GALNT18: variants seen among roughly 807,000 people sequenced by gnomAD.
GALNT18 encodes polypeptide N-acetylgalactosaminyltransferase 18.
GALNT18 carries 44 observed loss-of-function variants against 69.5 expected under a neutral mutation model. That is an observed-to-expected ratio of 0.63 (90% confidence interval 0.50 to 0.81). The LOEUF is 0.81. GALNT18 is among the 40% of genes least tolerant of loss of function. The probability of loss-of-function intolerance (pLI) is 0.00; values close to 1 mark genes in which losing one functional copy is unlikely to be tolerated. For missense variants in GALNT18, 715 were observed against 810.0 expected, an observed-to-expected ratio of 0.88 and a Z score of 1.42; for synonymous variants, 364 against 318.2, an observed-to-expected ratio of 1.14 and a Z score of -1.53.
chr11:11,304,706 G>A (rs1049780341), intron 9 of GALNT18, among the ~76,000 whole-genome samples: 3 of 152,146 alleles, frequency 2.0e-5, no homozygotes, highest in Middle Eastern at 3.2e-3. Flanking sequence ...CTGAGCTATC[G>A]TACATCACCA....
At chr11:11,514,395 C>T (rs936147021) in intron 1 of GALNT18, among the ~76,000 whole-genome samples, 2 of 152,202 alleles carry the variant, frequency 1.3e-5, no homozygotes, top group African/African-American at 4.8e-5. Context: ...TCCAAGGAAG[C>T]AGCCTCCCTG....
Position 11,470,976 on chromosome 11 carries a change from G to A in GALNT18, c.236-22040C>T, listed in dbSNP as rs1455020569. ...TCTCCCCATTCATACTCAGGGGCCC[G>A]GGCACATCAATATCCCTCTTTCTCC... On this transcript the variant is annotated intron_variant, in intron 1 of 10. Coordinates refer to ENST00000227756, the MANE Select transcript of GALNT18 (RefSeq NM_198516.3). This position sits in a 1 kb window ranked among gnomAD's most constrained non-coding sequence, Gnocchi z 4.8. 1.3e-5 allele frequency among the ~76,000 whole-genome samples: 2 copies of A among 152,076 alleles called. No homozygotes were observed. The highest frequency in any genetic ancestry group is 2.1e-4 in the South Asian group (1 of 4,812).
intron 1 of GALNT18, among the ~76,000 whole-genome samples, chr11:11,501,559 G>A (rs1162777655): frequency 6.6e-6 from 1 of 152,128 alleles, no homozygotes; most frequent in Non-Finnish European, 1.5e-5. Context: ...CCTATATTAT[G>A]TAATAATGTG....
chr11:11,298,729 ACAG>A, intron 9 of GALNT18, among the ~76,000 whole-genome samples: 2 of 152,332 alleles, frequency 1.3e-5, no homozygotes, highest in East Asian at 3.9e-4. Flanking sequence ...CAGCCCCATC[ACAG>A]CAGGTCTTCT....
intron 3 of GALNT18, among the ~76,000 whole-genome samples, chr11:11,391,477 C>A (rs1238341706): frequency 2.0e-5 from 3 of 152,200 alleles, no homozygotes; most frequent in East Asian, 3.8e-4. Flanking sequence ...GGACCAAGGG[C>A]AAGAGGGTGC....
rs966845729 is a variant in GALNT18 at position 11,480,741 on chromosome 11, C to T, written c.236-31805G>A. Among the ~76,000 whole-genome samples the T allele has an allele frequency of 6.6e-6, 1 of 152,202 alleles. No homozygotes were observed. The highest frequency in any genetic ancestry group is 2.4e-5 in the African/African-American group (1 of 41,448). ...ATGAGTCCCTTCATCCCTGTATCAG[C>T]ACTTCTCACAGCGTGCTCTACAGAA... On this transcript the variant is annotated intron_variant, in intron 1 of 10. Coordinates refer to ENST00000227756, the MANE Select transcript of GALNT18 (RefSeq NM_198516.3). This position sits in a 1 kb window ranked among gnomAD's most constrained non-coding sequence, Gnocchi z 4.6.
chr11:11,291,102 C>T (rs937670462), intron 10 of GALNT18, among the ~76,000 whole-genome samples: 7 of 152,190 alleles, frequency 4.6e-5, no homozygotes, highest in African/African-American at 1.7e-4. Context: ...GTAGCCTCAT[C>T]CTCTGGCCCC....
At chr11:11,566,283 C>A (rs1252983951) in intron 1 of GALNT18, among the ~76,000 whole-genome samples, 1 of 152,114 alleles carries the variant, frequency 6.6e-6, no homozygotes, top group African/African-American at 2.4e-5. Flanking sequence ...CAGAAGCAAC[C>A]AGAGACAATA....
intron 1 of GALNT18, among the ~76,000 whole-genome samples, chr11:11,468,413 C>T (rs1856198063): frequency 6.6e-6 from 1 of 152,218 alleles, no homozygotes; most frequent in Non-Finnish European, 1.5e-5. Flanking sequence ...CGCCTCCTTC[C>T]TGCCTGCCAT....
Position 11,461,996 on chromosome 11 carries a change from T to C in GALNT18, c.236-13060A>G, listed in dbSNP as rs999657260. ...GAAGCCTGCCTGTTTCCAGTTTCTT[T>C]CTTCTGGTCTTAAAGGGAAGCGGGG... On this transcript the variant is annotated intron_variant, in intron 1 of 10. Coordinates refer to ENST00000227756, the MANE Select transcript of GALNT18 (RefSeq NM_198516.3). This position sits in a 1 kb window ranked among gnomAD's most constrained non-coding sequence, Gnocchi z 4.1. Among the ~76,000 whole-genome samples, 5 of 152,240 alleles carry C rather than the reference T, an allele frequency of 3.3e-5. No homozygotes were observed. The highest frequency in any genetic ancestry group is 7.3e-5 in the Non-Finnish European group (5 of 68,048).
chr11:11,574,157 A>C (rs909385300), intron 1 of GALNT18, among the ~76,000 whole-genome samples: 15 of 152,288 alleles, frequency 9.8e-5, no homozygotes, highest in African/African-American at 3.6e-4. Context: ...AAGAAGTTCT[A>C]TCAGTACATG....
intron 1 of GALNT18, among the ~76,000 whole-genome samples, chr11:11,581,006 C>A (rs1859066355): frequency 6.6e-6 from 1 of 152,270 alleles, no homozygotes; most frequent in African/African-American, 2.4e-5. Context: ...CTTCACAGCT[C>A]CCTGCGGCCG....
At chr11:11,571,654 A>G (rs543512833) in intron 1 of GALNT18, among the ~76,000 whole-genome samples, 1 of 152,314 alleles carries the variant, frequency 6.6e-6, no homozygotes, top group South Asian at 2.1e-4. Flanking sequence ...AGCCATGTCC[A>G]GGCTAATTGA....
At chr11:11,385,462 A>AT (rs758244657) in intron 3 of GALNT18, among the ~76,000 whole-genome samples, 26 of 151,952 alleles carry the variant, frequency 1.7e-4, no homozygotes, top group Non-Finnish European at 3.1e-4. Context: ...CATCCGGCTA[A>AT]TTTTTTGTAT....
At chr11:11,610,125 T>C (rs1859858419) in intron 1 of GALNT18, among the ~76,000 whole-genome samples, 1 of 152,210 alleles carries the variant, frequency 6.6e-6, no homozygotes, top group African/African-American at 2.4e-5. Context: ...GCTGCCAAAA[T>C]AATCACTTGG....
In GALNT18 at chr11:11,543,199, G is replaced by C. The variant is rs1857966559; in HGVS notation, c.235+78160C>G. On this transcript the variant is annotated intron_variant, in intron 1 of 10. Transcript: ENST00000227756. This position sits in a 1 kb window ranked among gnomAD's most constrained non-coding sequence, Gnocchi z 5.1. ...CCTGCCAAATGGCTATAATGTCTTG[G>C]ATGTTTCTAGAACCTCATTTTGGAA... Among the ~76,000 whole-genome samples the C allele has an allele frequency of 6.6e-6, 1 of 152,190 alleles. No homozygotes were observed. The highest frequency in any genetic ancestry group is 1.5e-5 in the Non-Finnish European group (1 of 68,030).
rs1856245818 is a variant in GALNT18 at position 11,470,535 on chromosome 11, G to C, written c.236-21599C>G. Reference sequence around the variant, plus strand: ...AGACCCCATTATTCCTATGCTAGAGGCTTGGGGATAGTGATAGGATGACTA... The same window carrying C: ...AGACCCCATTATTCCTATGCTAGAGCCTTGGGGATAGTGATAGGATGACTA... On this transcript the variant is annotated intron_variant, in intron 1 of 10. Transcript: ENST00000227756. This position sits in a 1 kb window ranked among gnomAD's most constrained non-coding sequence, Gnocchi z 4.8. Among the ~76,000 whole-genome samples, 1 of 152,194 alleles carries C rather than the reference G, an allele frequency of 6.6e-6. No homozygotes were observed. The highest frequency in any genetic ancestry group is 2.4e-5 in the African/African-American group (1 of 41,454).
rs1856127246 is a variant in GALNT18, at chr11:11,465,095, C to A, written c.236-16159G>T. Among the ~76,000 whole-genome samples the A allele has an allele frequency of 6.6e-6, 1 of 152,156 alleles. No individual in the cohort carries two copies. The highest frequency in any genetic ancestry group is 1.5e-5 in the Non-Finnish European group (1 of 68,028). On this transcript the variant is annotated intron_variant, in intron 1 of 10. Transcript: ENST00000227756. This position sits in a 1 kb window ranked among gnomAD's most constrained non-coding sequence, Gnocchi z 5.7. ...TAGAACATAAGGCAACTTCTCTATCCTCTCTACGAGGACAGAGAGAATACA... is the reference window on the plus strand; with the variant it reads ...TAGAACATAAGGCAACTTCTCTATCATCTCTACGAGGACAGAGAGAATACA...
At chr11:11,585,055 T>G (rs1166945167) in intron 1 of GALNT18, among the ~76,000 whole-genome samples, 1 of 152,206 alleles carries the variant, frequency 6.6e-6, no homozygotes, top group African/African-American at 2.4e-5. Flanking sequence ...TATAATAAAA[T>G]ATGTCCACAT....
Sources: allele counts gnomAD v4.1 joint callset (sites outside exome capture counted in the v4.1 genomes callset), GRCh38; gene constraint gnomAD v4.1.1; non-coding constraint Gnocchi (gnomAD v3.1); transcripts MANE v1.5; gene names NCBI Gene and HGNC (gene_info 2026-07-23, HGNC 2026-07-21).